Variants in FAM178B observed in about 807,000 individuals in gnomAD.
FAM178B encodes protein FAM178B.
Under a neutral mutation model 91.7 loss-of-function variants are expected in FAM178B, and 82 were observed. The ratio of observed to expected loss-of-function variants is 0.89; its 90% CI spans 0.75 to 1.07. FAM178B has a LOEUF of 1.07. Among genes scored for constraint, FAM178B ranks in the 50% least tolerant of loss-of-function variants. The pLI is 0.00. For synonymous variants in FAM178B, 368 were observed against 359.4 expected, an observed-to-expected ratio of 1.02 and a Z score of -0.27; for missense variants, 769 against 846.7, an observed-to-expected ratio of 0.91 and a Z score of 1.14.
intron 12 of FAM178B, among the ~76,000 whole-genome samples, chr2:96,915,300 T>C (rs973968044): frequency 4.0e-5 from 6 of 151,388 alleles, no homozygotes; most frequent in African/African-American, 1.5e-4. Flanking sequence ...CTATTTTTAG[T>C]AGAGACGGGG....
intron 8 of FAM178B, among the ~76,000 whole-genome samples, chr2:96,945,855 T>A (rs2081818808): frequency 6.6e-6 from 1 of 152,290 alleles, no homozygotes; most frequent in East Asian, 1.9e-4. Context: ...AACATAAAAT[T>A]TACCATCTTA....
chr2:96,908,016 C>T (rs1283211791), intron 12 of FAM178B, among the ~76,000 whole-genome samples: 2 of 152,256 alleles, frequency 1.3e-5, no homozygotes, highest in Non-Finnish European at 2.9e-5. Flanking sequence ...GCTCGCACCC[C>T]GGGCCTCTTG....
At position 96,972,309 on chromosome 2, in the gene FAM178B, G is replaced by A. The variant is rs759069690; in HGVS notation, c.156C>T (p.Ala52=). 5.4e-5 allele frequency: 79 copies of A among 1,465,410 alleles called. 1 individual carries two copies. Among genetic ancestry groups the A allele is most frequent in the Middle Eastern group, 2.1e-4 (1 of 4,718 alleles). 90.8% of individuals were successfully genotyped at this position (1,465,410 alleles called of 1,614,324 possible). Residue 52 remains alanine, a synonymous_variant, in exon 3 of 17, where the codon GCC becomes GCT. Coordinates refer to ENST00000490605, the MANE Select transcript of FAM178B (RefSeq NM_001122646.3). ...ALPLREGVQA[A]ATVPILLYNL... Reference sequence around the variant, plus strand: ...TGTACAGGAGGATGGGCACGGTGGCGGCAGCCTGCACCCCTGCAGACAGGA... The same window carrying A: ...TGTACAGGAGGATGGGCACGGTGGCAGCAGCCTGCACCCCTGCAGACAGGA...
chr2:96,972,157 C>G lies in FAM178B; in HGVS notation c.308G>C (p.Gly103Ala). ...SPKKPKIQAPGETFPTDWSPP... is the reference protein window; with the variant it reads ...SPKKPKIQAPAETFPTDWSPP... The stretch of plus-strand genomic sequence containing the variant: ...GCTCCAGTCAGTGGGAAACGTTTCC[C>G]CAGGTGCCTGTATCTTGGGCTTCTT... Residue 103 changes from glycine to alanine, a missense_variant, in exon 3 of 17, where the codon GGG becomes GCG. Transcript: ENST00000490605. 2 of 1,543,622 alleles carry G rather than the reference C, an allele frequency of 1.3e-6. No homozygotes were observed. Among genetic ancestry groups the G allele is most frequent in the Non-Finnish European group, 1.7e-6 (2 of 1,143,428 alleles).
intron 10 of FAM178B, 49 bp downstream of exon 10, chr2:96,923,441 T>A: frequency 7.1e-7 from 1 of 1,415,322 alleles, no homozygotes; most frequent in Non-Finnish European, 9.8e-7. Context: ...TGAATGGGTC[T>A]GAACTGTAAG....
chr2:96,924,118 G>C (rs1225047721), intron 9 of FAM178B, among the ~76,000 whole-genome samples: 2 of 152,202 alleles, frequency 1.3e-5, no homozygotes, highest in African/African-American at 4.8e-5. Flanking sequence ...ATGGAGGGGG[G>C]CTCCTTGGGG....
rs1266185924 is a variant in FAM178B at position 96,986,231 on chromosome 2, G to A, written c.73+10C>T. ...GCGCCCCTGCGGTTCCTCGGCCTCA[G>A]TTTCCTTACCTGTAAAATGGAGCCG... On this transcript the variant is annotated intron_variant, in intron 1 of 16. Coordinates refer to ENST00000490605, the MANE Select transcript of FAM178B (RefSeq NM_001122646.3). 11 of 1,534,498 alleles carry A rather than the reference G, an allele frequency of 7.2e-6. No individual in the cohort carries two copies. In the African/African-American group the frequency reaches 1.5e-4, roughly 21 times the overall value.
rs139353817 is a variant in FAM178B at position 96,906,935 on chromosome 2, C to T, written c.1563-4228G>A. ...AGGCCTGCGCGGGAGCTCGTTTACT[C>T]GTTTACTCACAGCGGGCGAGGAGGG... On this transcript the variant is annotated intron_variant, in intron 12 of 16. Transcript: ENST00000490605. 2.5e-3 allele frequency among the ~76,000 whole-genome samples: 383 copies of T among 152,292 alleles called. 2 individuals carry two copies. Among genetic ancestry groups the T allele is most frequent in the African/African-American group, 7.9e-3 (329 of 41,566 alleles).
At chr2:96,976,050 A>G (rs114665848) in intron 1 of FAM178B, among the ~76,000 whole-genome samples, 120 of 152,196 alleles carry the variant, frequency 7.9e-4, no homozygotes, top group African/African-American at 2.6e-3. Context: ...CACATGGAAT[A>G]TTCTTCAGGA....
At chr2:96,971,361 C>G (rs1348606327) in intron 3 of FAM178B, among the ~76,000 whole-genome samples, 1 of 150,620 alleles carries the variant, frequency 6.6e-6, no homozygotes, top group Admixed American at 6.7e-5. Flanking sequence ...GTCTGTCTGT[C>G]TCTCTCTCGC....
intron 16 of FAM178B, 134 bp downstream of exon 16, chr2:96,877,756 C>G (rs1185557277): frequency 2.3e-6 from 2 of 873,084 alleles, no homozygotes; most frequent in Non-Finnish European, 3.5e-6. Context: ...ACCCTTCCCC[C>G]ACATGCCCAC....
chr2:96,976,587 G>A (rs2082291519), intron 1 of FAM178B, among the ~76,000 whole-genome samples: 1 of 151,854 alleles, frequency 6.6e-6, no homozygotes, highest in African/African-American at 2.4e-5. Flanking sequence ...GCTCACGCCT[G>A]TAATCTCAGT....
At chr2:96,908,002 C>T (rs1205937531) in intron 12 of FAM178B, among the ~76,000 whole-genome samples, 1 of 152,266 alleles carries the variant, frequency 6.6e-6, no homozygotes, top group Non-Finnish European at 1.5e-5. Flanking sequence ...AGGGCGTCCG[C>T]CTGGCTCGCA....
chr2:96,929,374 C>T (rs1321231330), intron 8 of FAM178B, 54 bp from the exon 9 acceptor site: 2 of 1,232,228 alleles, frequency 1.6e-6, no homozygotes, highest in Non-Finnish European at 2.3e-6. Flanking sequence ...GGGCAGGGTG[C>T]ACCACTCCCA....
Position 96,972,613 on chromosome 2 carries a change from G to A in FAM178B, c.74-7C>T, listed in dbSNP as rs2082237816. ...AAGCCGTGGGACATCTGTCCTGGAA[G>A]GAAGCGCCTGTGAGGGCAGGTGAAC... On this transcript the variant is annotated splice_region_variant and splice_polypyrimidine_tract_variant and intron_variant, in intron 1 of 16. Coordinates refer to ENST00000490605, the MANE Select transcript of FAM178B (RefSeq NM_001122646.3). 1.9e-6 allele frequency: 3 copies of A among 1,551,162 alleles called. No homozygotes were observed. Among genetic ancestry groups the A allele is most frequent in the East Asian group, 2.4e-5 (1 of 40,914 alleles).
intron 5 of FAM178B, 146 bp from the exon 6 acceptor site, chr2:96,960,586 G>C (rs2082065947): frequency 1.1e-6 from 1 of 939,272 alleles, no homozygotes. Flanking sequence ...AGCGCCACCT[G>C]CTGATGGAGG....
intron 13 of FAM178B, among the ~76,000 whole-genome samples, chr2:96,896,541 T>C (rs2080827755): frequency 6.6e-6 from 1 of 152,086 alleles, no homozygotes; most frequent in African/African-American, 2.4e-5. Context: ...GGCAGACACC[T>C]AGGGCGAGAA....
chr2:96,968,753 C>T (rs1417765562), intron 4 of FAM178B, among the ~76,000 whole-genome samples: 3 of 152,178 alleles, frequency 2.0e-5, no homozygotes, highest in Admixed American at 6.5e-5. Context: ...CCCATCCCTT[C>T]TCCAAATGCA....
intron 4 of FAM178B, among the ~76,000 whole-genome samples, chr2:96,969,750 G>T (rs1267187887): frequency 6.6e-6 from 1 of 152,250 alleles, no homozygotes; most frequent in Non-Finnish European, 1.5e-5. Flanking sequence ...AACAACACAA[G>T]TTCCCGGGTC....
Sources: allele counts gnomAD v4.1 joint callset (sites outside exome capture counted in the v4.1 genomes callset), GRCh38; gene constraint gnomAD v4.1.1; transcripts MANE v1.5; gene names NCBI Gene and HGNC (gene_info 2026-07-23, HGNC 2026-07-21).